Variants in DTNB observed in about 807,000 individuals in gnomAD.
DTNB encodes the protein dystrobrevin beta.
DTNB carries 63 observed loss-of-function variants against 90.7 expected under a neutral mutation model. The ratio of observed to expected loss-of-function variants is 0.69; its 90% CI spans 0.57 to 0.86. DTNB has a LOEUF of 0.86. Ranked by LOEUF, DTNB falls within the 40% of genes least tolerant of loss-of-function variation. The pLI is 0.00. For synonymous variants in DTNB, 277 were observed against 286.7 expected (o/e 0.97, Z 0.34); for missense variants, 744 against 807.1 (o/e 0.92, Z 0.95).
Position 25,639,936 on chromosome 2 carries a change from G to A in DTNB, c.68-842C>T, listed in dbSNP as rs576262354. Among the ~76,000 whole-genome samples the A allele has an allele frequency of 3.3e-5, 5 of 152,340 alleles. No individual in the cohort carries two copies. The South Asian group carries it at 1.0e-3, about 32-fold the overall frequency. ...AGAACTGAGTCCACCAACCAAACCA[G>A]CATCGACTGCCAAACGCGCAGGCGA... On this transcript the variant is annotated intron_variant, in intron 2 of 20. Coordinates refer to ENST00000406818, the MANE Select transcript of DTNB (RefSeq NM_021907.5).
rs188634857 is a variant in DTNB, at chr2:25,465,353, G to A, written c.1080-9859C>T. 2.2e-3 allele frequency among the ~76,000 whole-genome samples: 320 copies of A among 148,794 alleles called. 2 individuals are homozygous for A. The highest frequency in any genetic ancestry group is 3.5e-3 in the Non-Finnish European group (235 of 67,468). On this transcript the variant is annotated intron_variant, in intron 10 of 20. Transcript: ENST00000406818. The stretch of plus-strand genomic sequence containing the variant: ...ATCGAGCCACTGCATTCCAGCCTGG[G>A]CGACAGAGCGAGACTCCGTCTCAAA...
intron 1 of DTNB, among the ~76,000 whole-genome samples, chr2:25,661,983 C>T (rs1323165161): frequency 2.6e-5 from 4 of 151,730 alleles, no homozygotes; most frequent in Non-Finnish European, 5.9e-5. Context: ...GGTGAAACCC[C>T]GTCTCTACTA....
chr2:25,427,195 A>ACACACACG (rs2052032368), intron 15 of DTNB, among the ~76,000 whole-genome samples: 1 of 151,118 alleles, frequency 6.6e-6, no homozygotes, highest in African/African-American at 2.4e-5. Context: ...ACACACACAC[A>ACACACACG]CACACACACA....
Position 25,558,192 on chromosome 2 carries a change from C to A in DTNB, c.876+18646G>T, listed in dbSNP as rs1201376713. ...CTAAATGAAGATATACAACATATAA[C>A]ACACATGGATTAAATTTATTTAGAG... On this transcript the variant is annotated intron_variant, in intron 8 of 20. Coordinates refer to ENST00000406818, the MANE Select transcript of DTNB (RefSeq NM_021907.5). 4.1e-6 allele frequency: 4 copies of A among 984,278 alleles called. No individual in the cohort carries two copies. In the African/African-American group the frequency reaches 7.0e-5, roughly 17 times the overall value. 61.0% of individuals were successfully genotyped at this position (984,278 alleles called of 1,614,324 possible).
rs2039721217 is a variant in DTNB, at chr2:25,387,228, T to A, written c.1825+61A>T. The A allele has an allele frequency of 6.5e-7, 1 of 1,536,724 alleles. No individual in the cohort carries two copies. Among genetic ancestry groups the A allele is most frequent in the Non-Finnish European group, 8.9e-7 (1 of 1,122,324 alleles). Reference sequence around the variant, plus strand: ...GGTTCTGCCGGTGCTGGCAAGGAAGTGAGAAGGGCGCGGGCAAGGCAGGGG... The same window carrying A: ...GGTTCTGCCGGTGCTGGCAAGGAAGAGAGAAGGGCGCGGGCAAGGCAGGGG... On this transcript the variant is annotated intron_variant, in intron 18 of 20. Transcript: ENST00000406818. The surrounding 1 kb of genome is among the most constrained non-coding windows in gnomAD (Gnocchi z 4.5).
chr2:25,663,726 A>C (rs1311420079), intron 1 of DTNB, among the ~76,000 whole-genome samples: 2 of 152,160 alleles, frequency 1.3e-5, no homozygotes, highest in African/African-American at 4.8e-5. Flanking sequence ...ACTCCCATGA[A>C]CTCTAAAATT....
chr2:25,655,019 T>C (rs1462028366), intron 1 of DTNB, among the ~76,000 whole-genome samples: 2 of 152,238 alleles, frequency 1.3e-5, no homozygotes, highest in Non-Finnish European at 2.9e-5. Flanking sequence ...CATCATCTGT[T>C]GACTGAACAG....
At chr2:25,502,224 C>CA (rs972247693) in intron 9 of DTNB, among the ~76,000 whole-genome samples, 11 of 151,446 alleles carry the variant, frequency 7.3e-5, no homozygotes, top group African/African-American at 2.7e-4. Context: ...AAACAAAAAA[C>CA]AAAAAAAATC....
At chr2:25,589,362 C>CTTT (rs1256307185) in intron 6 of DTNB, among the ~76,000 whole-genome samples, 1 of 61,514 alleles carries the variant, frequency 1.6e-5, no homozygotes, top group Non-Finnish European at 3.1e-5. Flanking sequence ...GTTTCTTTTT[C>CTTT]TTTTCTTTTT....
At chr2:25,518,610 C>A (rs933066149) in intron 9 of DTNB, among the ~76,000 whole-genome samples, 1 of 152,118 alleles carries the variant, frequency 6.6e-6, no homozygotes, top group African/African-American at 2.4e-5. Flanking sequence ...TACACACACA[C>A]ATGCACACAC....
chr2:25,445,665 C>T (rs1240855094), intron 12 of DTNB, among the ~76,000 whole-genome samples: 2 of 152,196 alleles, frequency 1.3e-5, no homozygotes, highest in East Asian at 3.8e-4. Flanking sequence ...GGTCATGCGA[C>T]CTCCAGCCTC....
intron 5 of DTNB, among the ~76,000 whole-genome samples, chr2:25,597,797 A>G (rs1201171460): frequency 1.3e-5 from 2 of 152,236 alleles, no homozygotes; most frequent in East Asian, 3.8e-4. Context: ...GTTTAGAACC[A>G]TAACAGAGAA....
intron 10 of DTNB, among the ~76,000 whole-genome samples, chr2:25,457,685 C>G (rs756889640): frequency 4.0e-4 from 61 of 152,256 alleles, no homozygotes; most frequent in Non-Finnish European, 7.2e-4. Flanking sequence ...TCTCATCACT[C>G]TAGTACACGG....
intron 8 of DTNB, among the ~76,000 whole-genome samples, chr2:25,549,240 TAC>T (rs1376466757): frequency 6.6e-6 from 1 of 151,852 alleles, no homozygotes; most frequent in Non-Finnish European, 1.5e-5. Context: ...ATTATGAATA[TAC>T]ATATATCAAT....
At chr2:25,384,317 G>A (rs55904893) in intron 18 of DTNB, among the ~76,000 whole-genome samples, 15,566 of 152,176 alleles carry the variant, frequency 0.1, 1,205 homozygotes, top group African/African-American at 0.22. Context: ...AAAAAATTCC[G>A]TATGTTTTAG....
intron 6 of DTNB, among the ~76,000 whole-genome samples, chr2:25,594,005 T>G (rs898975641): frequency 2.0e-5 from 3 of 151,866 alleles, no homozygotes; most frequent in African/African-American, 7.2e-5. Flanking sequence ...TACCCCAGAG[T>G]ATTGTGTGGG....
intron 15 of DTNB, among the ~76,000 whole-genome samples, chr2:25,420,555 G>A (rs1475051699): frequency 6.6e-6 from 1 of 151,634 alleles, no homozygotes; most frequent in Non-Finnish European, 1.5e-5. Context: ...CGCTCTTGTT[G>A]CCCAGGATGG....
chr2:25,476,552 T>C (rs1366364949), intron 10 of DTNB, among the ~76,000 whole-genome samples: 13 of 152,086 alleles, frequency 8.5e-5, no homozygotes, highest in Non-Finnish European at 1.9e-4. Context: ...AAACAAACAT[T>C]AATGGGAGTT....
chr2:25,650,202 G>C, intron 2 of DTNB: 12 of 985,446 alleles, frequency 1.2e-5, no homozygotes, highest in Non-Finnish European at 1.4e-5. Flanking sequence ...CCTCTTCTTA[G>C]TATCAGGAAT....
Sources: allele counts gnomAD v4.1 joint callset (sites outside exome capture counted in the v4.1 genomes callset), GRCh38; gene constraint gnomAD v4.1.1; non-coding constraint Gnocchi (gnomAD v3.1); transcripts MANE v1.5; gene names NCBI Gene and HGNC (gene_info 2026-07-23, HGNC 2026-07-21).